The following ZSWIM7 variants were observed in gnomAD, a reference collection of about 807,000 sequenced individuals.
ZSWIM7 encodes zinc finger SWIM domain-containing protein 7.
A neutral mutation model predicts 21.1 loss-of-function variants in ZSWIM7; 22 were observed. The ratio of observed to expected loss-of-function variants is 1.04; its 90% confidence interval spans 0.74 to 1.49. The LOEUF is 1.49. Ranked by LOEUF, ZSWIM7 falls within the 40% of genes most tolerant of loss-of-function variation. The pLI, the probability that ZSWIM7 is intolerant of heterozygous loss-of-function variation, is 0.00. For synonymous variants in ZSWIM7, 67 were observed against 66.5 expected (o/e 1.01, Z -0.04); for missense variants, 193 against 168.0 (o/e 1.15, Z -0.82).
rs1970302527 is a variant in ZSWIM7 at position 15,978,157 on chromosome 17, G to A, written c.313C>T (p.His105Tyr). The change falls in exon 5 of 5, where the codon CAT becomes TAT. Residue 105 changes from histidine to tyrosine, a missense_variant. By Grantham distance (83) the His-to-Tyr change is moderately conservative. Transcript: ENST00000399277. Reference sequence around the variant, plus strand: ...TGACTCAGGTAAACTGCCAAGAGATGCTTGCACTGGAATATAAAACACACA... The same window carrying A: ...TGACTCAGGTAAACTGCCAAGAGATACTTGCACTGGAATATAAAACACACA... ...LRKSDSILCK[H>Y]LLAVYLSQVM... The A allele has an allele frequency of 6.2e-7, 1 of 1,613,052 alleles. No homozygotes were observed.
At chr17:15,985,758 A>G (rs1597439073) in intron 3 of ZSWIM7, among the ~76,000 whole-genome samples, 1 of 152,202 alleles carries the variant, frequency 6.6e-6, no homozygotes, top group African/African-American at 2.4e-5. Context: ...ATTTCAAACA[A>G]AAGTCTACTT....
At chr17:15,979,504 T>C (rs1006811468) in intron 4 of ZSWIM7, among the ~76,000 whole-genome samples, 18 of 152,276 alleles carry the variant, frequency 1.2e-4, no homozygotes, top group African/African-American at 4.3e-4. Flanking sequence ...AGCTGTTGGG[T>C]ACACCTCCCA....
At chr17:15,981,750 G>GA (rs565442367) in intron 3 of ZSWIM7, among the ~76,000 whole-genome samples, 6 of 151,584 alleles carry the variant, frequency 4.0e-5, no homozygotes, top group Non-Finnish European at 7.4e-5. Context: ...CGTTTCTATA[G>GA]AAAAAAAAAT....
At chr17:15,989,767 G>A (rs1032594095) in intron 2 of ZSWIM7, among the ~76,000 whole-genome samples, 7 of 151,926 alleles carry the variant, frequency 4.6e-5, no homozygotes, top group South Asian at 2.1e-4. Flanking sequence ...CCTAGCAGCC[G>A]GGACTACAGG....
intron 1 of ZSWIM7, among the ~76,000 whole-genome samples, chr17:15,994,216 G>A (rs764803350): frequency 6.6e-6 from 1 of 152,230 alleles, no homozygotes; most frequent in Non-Finnish European, 1.5e-5. Flanking sequence ...GCCTCCCAAA[G>A]TGCTGGGATT....
intron 3 of ZSWIM7, among the ~76,000 whole-genome samples, chr17:15,982,684 T>C (rs1970369169): frequency 6.6e-6 from 1 of 152,188 alleles, no homozygotes; most frequent in African/African-American, 2.4e-5. Flanking sequence ...CAGGATGTTG[T>C]TCTGTCATCC....
chr17:15,990,359 T>C (rs1385671869), intron 2 of ZSWIM7, among the ~76,000 whole-genome samples: 2 of 152,034 alleles, frequency 1.3e-5, no homozygotes, highest in Non-Finnish European at 2.9e-5. Flanking sequence ...ATTATTATTA[T>C]TACTGAGTTG....
intron 2 of ZSWIM7, among the ~76,000 whole-genome samples, chr17:15,990,169 G>A (rs937228614): frequency 5.3e-5 from 8 of 150,152 alleles, no homozygotes; most frequent in East Asian, 2.0e-4. Flanking sequence ...GCAGTGAGCC[G>A]GGATCGCGCC....
chr17:15,983,188 T>C (rs544753782), intron 3 of ZSWIM7, among the ~76,000 whole-genome samples: 2 of 151,146 alleles, frequency 1.3e-5, no homozygotes, highest in East Asian at 4.0e-4. Context: ...CTACTAAAAA[T>C]ACAAAAATTA....
chr17:15,979,187 A>T (rs950844803), intron 4 of ZSWIM7, among the ~76,000 whole-genome samples: 5 of 151,200 alleles, frequency 3.3e-5, no homozygotes, highest in African/African-American at 1.2e-4. Context: ...AGTGGTGATG[A>T]CTCTTAACGA....
intron 3 of ZSWIM7, among the ~76,000 whole-genome samples, chr17:15,986,166 C>T (rs947813792): frequency 2.6e-5 from 4 of 152,160 alleles, no homozygotes; most frequent in Admixed American, 2.6e-4. Context: ...GCCTCAACCT[C>T]CCGAGTAGCT....
At position 15,978,057 on chromosome 17, in the gene ZSWIM7, T is replaced by C. The variant is rs1217617752; in HGVS notation, c.413A>G (p.Gln138Arg). 9 of 1,613,204 alleles carry C rather than the reference T, an allele frequency of 5.6e-6. No individual in the cohort carries two copies. Among genetic ancestry groups the C allele is most frequent in the Non-Finnish European group, 6.8e-6 (8 of 1,179,094 alleles). The change falls in exon 5 of 5, where the codon CAA (glutamine) becomes CGA (arginine). Residue 138 changes from glutamine to arginine, a missense_variant. Transcript: ENST00000399277. ...LTDILLMEKK[Q>R]EA ...CTCAATCTGTACCTTTTATGCTTCT[T>C]GTTTCTTCTCCATCAATAATATGTC... is the stretch of plus-strand genomic sequence containing the variant.
intron 1 of ZSWIM7, 80 bp downstream of exon 1, chr17:15,999,439 C>G: frequency 6.5e-7 from 1 of 1,539,972 alleles, no homozygotes; most frequent in Non-Finnish European, 8.8e-7. Flanking sequence ...GGACACCCCG[C>G]CTCCTGCCTC....
In ZSWIM7 at chr17:15,999,566, T is replaced by C; in HGVS notation, c.29A>G (p.Glu10Gly). The change falls in exon 1 of 5, where the codon GAG becomes GGG. Residue 10 changes from glutamate to glycine, a missense_variant. Physicochemically the swap from Glu to Gly is moderately conservative, Grantham distance 98. Coordinates refer to ENST00000399277, the MANE Select transcript of ZSWIM7 (RefSeq NM_001042697.2). ...CGCCGCCATCTCGCTCAGGAGCTCC[T>C]CCACAACCGCCGGCAACACTACGGC... is the stretch of plus-strand genomic sequence containing the variant. MAVVLPAVV[E>G]ELLSEMAAAV... 1 of 1,588,878 alleles carries C rather than the reference T, an allele frequency of 6.3e-7. No individual in the cohort carries two copies. The highest frequency in any genetic ancestry group is 8.6e-7 in the Non-Finnish European group (1 of 1,167,250).
Position 15,977,932 on chromosome 17 carries a change from G to T in ZSWIM7, c.*115C>A. ...TGCAGTCCTGGAGGGAAAAGGGACA[G>T]TAACATGAAGTGTCTGAAGATCCAT... On this transcript the variant is annotated 3_prime_UTR_variant, in exon 5 of 5. Coordinates refer to ENST00000399277, the MANE Select transcript of ZSWIM7 (RefSeq NM_001042697.2). 1.1e-6 allele frequency: 1 copy of T among 871,868 alleles called. No individual in the cohort carries two copies. The highest frequency in any genetic ancestry group is 1.8e-6 in the Non-Finnish European group (1 of 541,024). 54.0% of individuals were successfully genotyped at this position (871,868 alleles called of 1,614,324 possible). A position where few individuals can be genotyped will look rare whatever the true frequency, so the allele number is the denominator to read the frequency against.
In ZSWIM7 at chr17:15,981,022, A is replaced by T; in HGVS notation, c.306+18T>A. Reference sequence around the variant, plus strand: ...CTCTACATTCAACTACAGTGGGAAGAGTCTTCCCCATCCTCACCAGGATGC... The same window carrying T: ...CTCTACATTCAACTACAGTGGGAAGTGTCTTCCCCATCCTCACCAGGATGC... On this transcript the variant is annotated intron_variant, in intron 4 of 4. Transcript: ENST00000399277. 6.3e-7 allele frequency: 1 copy of T among 1,587,800 alleles called. No homozygotes were observed. The highest frequency in any genetic ancestry group is 8.6e-7 in the Non-Finnish European group (1 of 1,158,142).
At chr17:15,989,041 C>G (rs1970450393) in intron 2 of ZSWIM7, among the ~76,000 whole-genome samples, 1 of 151,902 alleles carries the variant, frequency 6.6e-6, no homozygotes, top group African/African-American at 2.4e-5. Context: ...ATGAAACAAA[C>G]AAACAGAAAA....
intron 3 of ZSWIM7, among the ~76,000 whole-genome samples, chr17:15,985,322 T>G (rs1476761796): frequency 1.3e-5 from 2 of 149,476 alleles, no homozygotes; most frequent in Non-Finnish European, 3.0e-5. Context: ...AAAAAAAAAA[T>G]TATAGAAAAC....
rs1335721266 is a variant in ZSWIM7 at position 15,978,036 on chromosome 17, A to G, written c.*11T>C. The G allele has an allele frequency of 1.9e-6, 3 of 1,592,536 alleles. No homozygotes were observed. The highest frequency in any genetic ancestry group is 1.7e-6 in the Non-Finnish European group (2 of 1,160,454). On this transcript the variant is annotated 3_prime_UTR_variant, in exon 5 of 5. Transcript: ENST00000399277. ...TTCTATTTTGAAAGAATGATGCTCAATCTGTACCTTTTATGCTTCTTGTTT... is the reference window on the plus strand; with the variant it reads ...TTCTATTTTGAAAGAATGATGCTCAGTCTGTACCTTTTATGCTTCTTGTTT...
Sources: gnomAD v4.1 joint callset for allele counts (sites outside exome capture counted in the v4.1 genomes callset) on GRCh38, gnomAD v4.1.1 for gene constraint, MANE v1.5 for transcripts, NCBI Gene and HGNC (gene_info 2026-07-23, HGNC 2026-07-21) for gene names.